Variants in ARFGEF2 observed in about 807,000 individuals in gnomAD.
The protein encoded by ARFGEF2 is ARF guanine nucleotide exchange factor 2, also known as brefeldin A-inhibited guanine nucleotide-exchange protein 2.
A neutral mutation model predicts 219.9 loss-of-function variants in ARFGEF2; 74 were observed. That is an observed-to-expected ratio of 0.34 (90% CI 0.28 to 0.41). ARFGEF2 has a LOEUF of 0.41. Ranked by LOEUF, ARFGEF2 falls within the 10% of genes least tolerant of loss-of-function variation. The pLI is 1.00. For synonymous variants in ARFGEF2, 733 were observed against 799.2 expected (o/e 0.92, Z 1.40); for missense variants, 1,743 against 2,218.3 (o/e 0.79, Z 4.30).
intron 6 of ARFGEF2, among the ~76,000 whole-genome samples, chr20:48,954,477 C>A (rs1284758727): frequency 6.6e-6 from 1 of 152,106 alleles, no homozygotes; most frequent in Non-Finnish European, 1.5e-5. Context: ...ATTTCCTTTC[C>A]CAAGTGATTC....
chr20:48,927,996 C>CT (rs2090888843), intron 1 of ARFGEF2, among the ~76,000 whole-genome samples: 1 of 152,088 alleles, frequency 6.6e-6, no homozygotes, highest in Admixed American at 6.6e-5. Context: ...TTGATTGAGA[C>CT]TTTGAAAGTT....
At chr20:48,971,736 C>T (rs2091229240) in intron 10 of ARFGEF2, among the ~76,000 whole-genome samples, 1 of 152,094 alleles carries the variant, frequency 6.6e-6, no homozygotes, top group Non-Finnish European at 1.5e-5. Flanking sequence ...CCCGTCTCTA[C>T]TAAAAATACA....
intron 3 of ARFGEF2, 109 bp downstream of exon 3, chr20:48,942,096 G>A (rs901306095): frequency 6.4e-6 from 9 of 1,400,372 alleles, no homozygotes; most frequent in Middle Eastern, 2.0e-4. Flanking sequence ...TGTCAGAGGC[G>A]ATGCAGAAAG....
intron 35 of ARFGEF2, among the ~76,000 whole-genome samples, chr20:49,023,664 G>A (rs867009292): frequency 6.1e-4 from 91 of 150,386 alleles, no homozygotes; most frequent in African/African-American, 2.0e-3. Flanking sequence ...TCAGCCTCCC[G>A]AGTAGCTGGG....
intron 14 of ARFGEF2, among the ~76,000 whole-genome samples, chr20:48,982,390 G>A (rs760405241): frequency 1.3e-5 from 2 of 152,154 alleles, no homozygotes; most frequent in Non-Finnish European, 2.9e-5. Context: ...TCCCAGAGGG[G>A]CACCCGCCTG....
rs886056757 is a variant in ARFGEF2 at position 49,017,306 on chromosome 20, A to G, written c.4373A>G (p.Asn1458Ser). The change falls in exon 32 of 39, where the codon AAT becomes AGT. Residue 1458 changes from asparagine (N) to serine (S), a missense_variant. Transcript: ENST00000371917. ...TNCLENLVIS[N>S]GEKFSPEVWD... ...TGCTTAGAAAACTTAGTAATATCCA[A>G]TGGAGAGAAATTCAGTCCTGAAGTC... 2.1e-5 allele frequency: 34 copies of G among 1,613,930 alleles called. 1 individual carries two copies. Among genetic ancestry groups the G allele is most frequent in the South Asian group, 7.7e-5 (7 of 91,082 alleles).
intron 3 of ARFGEF2, among the ~76,000 whole-genome samples, chr20:48,945,682 C>T (rs908756002): frequency 6.6e-6 from 1 of 152,014 alleles, no homozygotes; most frequent in Non-Finnish European, 1.5e-5. Flanking sequence ...ATATTGAGAC[C>T]CCATCTCTAC....
At chr20:48,990,248 C>G (rs770644244) in intron 20 of ARFGEF2, among the ~76,000 whole-genome samples, 2 of 152,128 alleles carry the variant, frequency 1.3e-5, no homozygotes, top group Admixed American at 6.6e-5. Context: ...AAGCAGACTT[C>G]GTGTTCATCT....
chr20:48,935,940 G>A (rs867937638), intron 1 of ARFGEF2, among the ~76,000 whole-genome samples: 3 of 137,482 alleles, frequency 2.2e-5, no homozygotes, highest in Admixed American at 1.4e-4. Flanking sequence ...GGCTGGCCGG[G>A]GGGGGGGGCT....
intron 6 of ARFGEF2, among the ~76,000 whole-genome samples, chr20:48,961,483 T>A (rs1037013506): frequency 3.3e-5 from 5 of 149,946 alleles, no homozygotes; most frequent in Non-Finnish European, 6.0e-5. Flanking sequence ...AACAATACTT[T>A]CTTCCGGAAT....
rs138954417 is a variant in ARFGEF2, at chr20:48,969,504, T to C, written c.1190+227T>C. Among the ~76,000 whole-genome samples the C allele has an allele frequency of 9.2e-5, 14 of 152,380 alleles. No homozygotes were observed. The East Asian group carries it at 2.3e-3, about 25-fold the overall frequency. On this transcript the variant is annotated intron_variant, in intron 9 of 38. Coordinates refer to ENST00000371917, the MANE Select transcript of ARFGEF2 (RefSeq NM_006420.3). Reference sequence around the variant, plus strand: ...CCAAGATTTTGCCCAGTTTTGCTTTTCTTGGCATATGAATGCTAAAAAAGT... The same window carrying C: ...CCAAGATTTTGCCCAGTTTTGCTTTCCTTGGCATATGAATGCTAAAAAAGT...
chr20:49,022,934 G>A lies in ARFGEF2; in HGVS notation c.4625-117G>A. 4 of 1,389,272 alleles carry A rather than the reference G, an allele frequency of 2.9e-6. No homozygotes were observed. The South Asian group carries it at 4.7e-5, about 16-fold the overall frequency. The allele number at this position is 1,389,272 out of a possible 1,614,324, so 86.1% of individuals were successfully genotyped here. A position where few individuals can be genotyped will look rare whatever the true frequency, so the allele number is the denominator to read the frequency against. On this transcript the variant is annotated intron_variant, in intron 34 of 38. Transcript: ENST00000371917. ...GTTCAGGACCAGCCTGGAGAACGTA[G>A]TGAGACCCCATCTCTTAAAAAAATA...
chr20:48,984,157 C>T (rs2091312506), intron 14 of ARFGEF2, among the ~76,000 whole-genome samples: 1 of 152,160 alleles, frequency 6.6e-6, no homozygotes, highest in Admixed American at 6.5e-5. Flanking sequence ...TACGGTGGCC[C>T]TTAAGGACAT....
intron 25 of ARFGEF2, among the ~76,000 whole-genome samples, chr20:49,001,230 G>A (rs2091423253): frequency 6.6e-6 from 1 of 151,962 alleles, no homozygotes; most frequent in African/African-American, 2.4e-5. Context: ...AGTAAAGACA[G>A]GGTTTCACCA....
At chr20:49,032,784 G>A (rs1175044860) in intron 38 of ARFGEF2, among the ~76,000 whole-genome samples, 1 of 151,826 alleles carries the variant, frequency 6.6e-6, no homozygotes, top group Non-Finnish European at 1.5e-5. Flanking sequence ...GTAGAGACAG[G>A]GTTTCACCGT....
In ARFGEF2 at chr20:49,035,840, G is replaced by T; in HGVS notation, c.*2641G>T. 1 of 220,054 alleles carries T rather than the reference G, an allele frequency of 4.5e-6. No individual in the cohort carries two copies. Among genetic ancestry groups the T allele is most frequent in the African/African-American group, 2.3e-5 (1 of 44,436 alleles). The allele number at this position is 220,054 out of a possible 1,614,324, so 13.6% of individuals were successfully genotyped here. On this transcript the variant is annotated 3_prime_UTR_variant, in exon 39 of 39. Coordinates refer to ENST00000371917, the MANE Select transcript of ARFGEF2 (RefSeq NM_006420.3). ...GGCATCTTAACAACAAACAGTGGAT[G>T]GGTAATTTTTATTTCTGATACGCAT...
At chr20:48,959,978 T>A in intron 6 of ARFGEF2, among the ~76,000 whole-genome samples, 1 of 152,208 alleles carries the variant, frequency 6.6e-6, no homozygotes, top group African/African-American at 2.4e-5. Context: ...AACTGTTATT[T>A]TGTGAATTTT....
rs1252981301 is a variant in ARFGEF2, at chr20:49,013,871, C to T, written c.4090C>T (p.His1364Tyr). 6.2e-7 allele frequency: 1 copy of T among 1,614,086 alleles called. No individual in the cohort carries two copies. Among genetic ancestry groups the T allele is most frequent in the African/African-American group, 1.3e-5 (1 of 75,024 alleles). The change falls in exon 30 of 39, where the codon CAC becomes TAC. Residue 1364 changes from histidine to tyrosine, a missense_variant. His to Tyr is a moderately conservative substitution (Grantham distance 83). This residue lies in a region of ARFGEF2 where 578 missense variants were observed against 664.0 expected (regional missense o/e 0.87). Transcript: ENST00000371917. Reference protein sequence around the residue: ...VMFEIMKSYGHTFEKHWWQDL... With the variant: ...VMFEIMKSYGYTFEKHWWQDL... The stretch of plus-strand genomic sequence containing the variant: ...GTTTGAGATCATGAAGAGCTATGGC[C>T]ACACCTTTGAAAAGCACTGGTGGCA...
At chr20:48,966,996 A>G (rs946407929) in intron 8 of ARFGEF2, among the ~76,000 whole-genome samples, 9 of 152,082 alleles carry the variant, frequency 5.9e-5, no homozygotes, top group East Asian at 1.9e-4. Flanking sequence ...ACAGGCATGC[A>G]CCACCATACC....
Sources: gnomAD v4.1 joint callset for allele counts (sites outside exome capture counted in the v4.1 genomes callset) on GRCh38, gnomAD v4.1.1 for gene constraint, gnomAD v4.1.1 regional missense constraint, MANE v1.5 for transcripts, NCBI Gene and HGNC (gene_info 2026-07-23, HGNC 2026-07-21) for gene names.